Variants in SIPA1L3 observed in about 807,000 individuals in gnomAD.
SIPA1L3 encodes the protein signal induced proliferation associated 1 like 3.
A neutral mutation model predicts 150.1 loss-of-function variants in SIPA1L3; 59 were observed. That is an observed-to-expected ratio of 0.39 (90% CI 0.32 to 0.49). SIPA1L3 has a LOEUF of 0.49. Ranked by LOEUF, SIPA1L3 falls within the 20% of genes least tolerant of loss-of-function variation. SIPA1L3 has a pLI of 0.86. For synonymous variants in SIPA1L3, 1,070 were observed against 1,077.6 expected, an observed-to-expected ratio of 0.99 and a Z score of 0.14; for missense variants, 2,211 against 2,489.5, an observed-to-expected ratio of 0.89 and a Z score of 2.38.
At chr19:38,008,584 T>C (rs1434446035) in intron 1 of SIPA1L3, among the ~76,000 whole-genome samples, 1 of 151,658 alleles carries the variant, frequency 6.6e-6, no homozygotes, top group African/African-American at 2.4e-5. Context: ...TTTTCCTTTC[T>C]TTTTTTTCCC....
At chr19:37,980,768 C>A (rs1310363047) in intron 1 of SIPA1L3, among the ~76,000 whole-genome samples, 1 of 152,210 alleles carries the variant, frequency 6.6e-6, no homozygotes, top group Non-Finnish European at 1.5e-5. Flanking sequence ...ACTTGGCCGT[C>A]ATTCCATATG....
intron 1 of SIPA1L3, among the ~76,000 whole-genome samples, chr19:38,010,015 A>G (rs924972211): frequency 3.3e-5 from 5 of 151,916 alleles, no homozygotes; most frequent in Admixed American, 2.0e-4. Context: ...CTCTCCATTC[A>G]TCTCTGACAC....
chr19:38,156,970 G>T (rs1453060768), intron 13 of SIPA1L3, among the ~76,000 whole-genome samples: 2 of 151,938 alleles, frequency 1.3e-5, no homozygotes, highest in African/African-American at 2.4e-5. Flanking sequence ...CGAAACCAGC[G>T]TGGGCAACCT....
chr19:38,123,982 C>A (rs1248167429), intron 9 of SIPA1L3, among the ~76,000 whole-genome samples: 7 of 144,864 alleles, frequency 4.8e-5, no homozygotes, highest in East Asian at 4.3e-4. Context: ...CCAACCCCCC[C>A]CCACCTCCCT....
At chr19:38,075,115 G>A (rs1156874629) in intron 2 of SIPA1L3, among the ~76,000 whole-genome samples, 2 of 152,222 alleles carry the variant, frequency 1.3e-5, no homozygotes, top group African/African-American at 4.8e-5. Context: ...GTGGATCTAT[G>A]TATACATGAA....
chr19:38,203,917 C>T (rs939771747), intron 20 of SIPA1L3: 17 of 567,938 alleles, frequency 3.0e-5, no homozygotes, highest in Non-Finnish European at 4.4e-5. Flanking sequence ...GTGCTCCTAA[C>T]ACCCCGTCCA....
chr19:37,927,734 G>A (rs573827256), intron 1 of SIPA1L3, among the ~76,000 whole-genome samples: 9 of 151,968 alleles, frequency 5.9e-5, no homozygotes, highest in African/African-American at 2.2e-4. Context: ...TGGGGTGTGT[G>A]TGTGTGTGTG....
At chr19:37,918,040 C>T (rs1327247868) in intron 1 of SIPA1L3, among the ~76,000 whole-genome samples, 1 of 151,730 alleles carries the variant, frequency 6.6e-6, no homozygotes, top group Non-Finnish European at 1.5e-5. Flanking sequence ...CAGCATTAAT[C>T]TCTGGGTTTA....
chr19:38,077,179 G>A (rs1214958119), intron 2 of SIPA1L3, among the ~76,000 whole-genome samples: 2 of 152,220 alleles, frequency 1.3e-5, no homozygotes, highest in Admixed American at 6.5e-5. Flanking sequence ...GGCTGGGTAC[G>A]GTGCCTCACA....
chr19:38,019,913 C>G (rs1968331425), intron 1 of SIPA1L3, among the ~76,000 whole-genome samples: 2 of 152,212 alleles, frequency 1.3e-5, no homozygotes, highest in African/African-American at 4.8e-5. Flanking sequence ...CTTAGCAAGA[C>G]CATATCTGCA....
chr19:38,190,034 C>T (rs1005022990), intron 16 of SIPA1L3, among the ~76,000 whole-genome samples: 2 of 152,146 alleles, frequency 1.3e-5, no homozygotes, highest in South Asian at 4.2e-4. Context: ...CAGACAGGAC[C>T]CTGGGAGTGT....
rs777369639 is a variant in SIPA1L3 at position 38,141,296 on chromosome 19, G to A, written c.3256G>A (p.Gly1086Arg). ...CAGCAATGCTCCCTGGCAGTGGAGC[G>A]GGCCCGCATCCCATAACTCTCTACC... ...YRSNAPWQWS[G>R]PASHNSLPAS... The change falls in exon 11 of 22, where the codon GGG becomes AGG. Residue 1086 changes from glycine to arginine, a missense_variant. Transcript: ENST00000222345. 6.2e-6 allele frequency: 10 copies of A among 1,613,906 alleles called. No homozygotes were observed. Among genetic ancestry groups the A allele is most frequent in the Admixed American group, 5.0e-5 (3 of 59,986 alleles).
chr19:38,000,476 CAAAAAA>C (rs931671031), intron 1 of SIPA1L3, among the ~76,000 whole-genome samples: 1 of 44,042 alleles, frequency 2.3e-5, no homozygotes, highest in African/African-American at 8.8e-5. Flanking sequence ...GACTCTGTCT[CAAAAAA>C]AAAAAAAAAA....
chr19:37,967,973 T>C (rs2046919383), intron 1 of SIPA1L3, among the ~76,000 whole-genome samples: 3 of 152,028 alleles, frequency 2.0e-5, no homozygotes, highest in Admixed American at 2.0e-4. Flanking sequence ...ACGTTATTGA[T>C]TCATACAAGT....
intron 1 of SIPA1L3, among the ~76,000 whole-genome samples, chr19:37,939,447 A>T (rs1326176302): frequency 6.6e-6 from 1 of 150,708 alleles, no homozygotes; most frequent in Non-Finnish European, 1.5e-5. Flanking sequence ...CATATAATTT[A>T]GTTTCAACAA....
At chr19:37,960,269 T>G (rs533239281) in intron 1 of SIPA1L3, among the ~76,000 whole-genome samples, 2 of 152,242 alleles carry the variant, frequency 1.3e-5, no homozygotes, top group Non-Finnish European at 2.9e-5. Flanking sequence ...TGATTGATTT[T>G]GGTGCAGGGT....
At chr19:38,080,910 C>A (rs1969962433) in intron 2 of SIPA1L3, among the ~76,000 whole-genome samples, 1 of 150,228 alleles carries the variant, frequency 6.7e-6, no homozygotes, top group Non-Finnish European at 1.5e-5. Context: ...GTGGATGTTG[C>A]AATGAGCCAA....
intron 13 of SIPA1L3, among the ~76,000 whole-genome samples, chr19:38,160,665 G>A (rs919094339): frequency 7.9e-5 from 12 of 151,946 alleles, no homozygotes; most frequent in Non-Finnish European, 1.6e-4. Context: ...GCCTCCCAAA[G>A]TGCTGGGATT....
intron 2 of SIPA1L3, among the ~76,000 whole-genome samples, chr19:38,061,324 A>G (rs1004834963): frequency 1.2e-4 from 18 of 151,726 alleles, no homozygotes; most frequent in African/African-American, 3.6e-4. Context: ...TCGACCTCCC[A>G]GCGTGCTGGG....
Sources: allele counts gnomAD v4.1 joint callset (sites outside exome capture counted in the v4.1 genomes callset), GRCh38; gene constraint gnomAD v4.1.1; transcripts MANE v1.5; gene names NCBI Gene and HGNC (gene_info 2026-07-23, HGNC 2026-07-21).